The following SLC15A1 variants were observed in gnomAD, a reference collection of about 807,000 sequenced individuals.
The protein encoded by SLC15A1 is solute carrier family 15 member 1, also known as Caco-2 oligopeptide transporter.
A neutral mutation model predicts 92.9 loss-of-function variants in SLC15A1; 83 were observed. The ratio of observed to expected loss-of-function variants is 0.89; its 90% CI spans 0.75 to 1.07. The LOEUF (loss-of-function observed/expected upper bound fraction) is 1.07, where lower values mean the gene tolerates loss of function less well. Among genes scored for constraint, SLC15A1 ranks in the 50% least tolerant of loss-of-function variants. The pLI, the probability that SLC15A1 is intolerant of heterozygous loss-of-function variation, is 0.00. For missense variants in SLC15A1, 857 were observed against 880.1 expected, an observed-to-expected ratio of 0.97 and a Z score of 0.33; for synonymous variants, 322 against 318.2, an observed-to-expected ratio of 1.01 and a Z score of -0.13.
Position 98,706,255 on chromosome 13 carries a change from TGA to T in SLC15A1, c.1150-4_1150-3del. ...TTTGGGGAAGACTGGAAGAGTTTTC[TGA>T]GCAAAATAAAAGAAAATTGGCAGTG... is the stretch of plus-strand genomic sequence containing the variant. On this transcript the variant is annotated splice_polypyrimidine_tract_variant and splice_region_variant and intron_variant, in intron 15 of 22. Transcript: ENST00000376503. 6.2e-7 allele frequency: 1 copy of T among 1,611,328 alleles called. No homozygotes were observed. The highest frequency in any genetic ancestry group is 8.5e-7 in the Non-Finnish European group (1 of 1,179,142).
chr13:98,732,831 G>A (rs575815663), intron 1 of SLC15A1, among the ~76,000 whole-genome samples: 14 of 152,302 alleles, frequency 9.2e-5, no homozygotes, highest in African/African-American at 3.4e-4. Flanking sequence ...TTGAGGACGT[G>A]TTTCTGAACT....
chr13:98,733,723 C>T (rs2088367912), intron 1 of SLC15A1, among the ~76,000 whole-genome samples: 1 of 152,236 alleles, frequency 6.6e-6, no homozygotes, highest in Non-Finnish European at 1.5e-5. Flanking sequence ...GATCGAACCT[C>T]AGTGTAGAGA....
At chr13:98,719,183 C>T (rs776883560) in intron 8 of SLC15A1, 54 bp downstream of exon 8, 8 of 1,313,024 alleles carry the variant, frequency 6.1e-6, no homozygotes, top group African/African-American at 2.9e-5. Context: ...CAATCATTCA[C>T]GTAGGGCCTG....
intron 1 of SLC15A1, among the ~76,000 whole-genome samples, chr13:98,748,828 G>C (rs921478233): frequency 5.3e-5 from 8 of 152,136 alleles, no homozygotes; most frequent in Non-Finnish European, 1.0e-4. Context: ...GTGGGCCTGG[G>C]AGCAGCAGCA....
At chr13:98,752,379 G>A (rs1379666507) in intron 1 of SLC15A1, among the ~76,000 whole-genome samples, 1 of 152,088 alleles carries the variant, frequency 6.6e-6, no homozygotes, top group Non-Finnish European at 1.5e-5. Context: ...CGGAGTCGGC[G>A]CCTCTGGGCA....
intron 1 of SLC15A1, among the ~76,000 whole-genome samples, chr13:98,730,374 G>A (rs949067124): frequency 1.3e-5 from 2 of 152,010 alleles, no homozygotes; most frequent in Non-Finnish European, 1.5e-5. Context: ...CAGGACCCCA[G>A]TTCCCAACTC....
chr13:98,693,086 CGTTTTT>C (rs2087994140), intron 18 of SLC15A1, among the ~76,000 whole-genome samples: 1 of 111,834 alleles, frequency 8.9e-6, no homozygotes, highest in Non-Finnish European at 1.7e-5. Flanking sequence ...TTATTGTCTA[CGTTTTT>C]TTTTTTTTTT....
chr13:98,717,196 G>C (rs969112507), intron 8 of SLC15A1, among the ~76,000 whole-genome samples: 4 of 152,156 alleles, frequency 2.6e-5, no homozygotes, highest in African/African-American at 9.7e-5. Flanking sequence ...TTTTTGACAG[G>C]TGCTAGCTCC....
chr13:98,703,496 T>C (rs2088086192), intron 17 of SLC15A1, among the ~76,000 whole-genome samples: 1 of 145,436 alleles, frequency 6.9e-6, no homozygotes, highest in African/African-American at 2.5e-5. Flanking sequence ...ACTCTACAAC[T>C]CTTTCATTTA....
intron 18 of SLC15A1, among the ~76,000 whole-genome samples, chr13:98,697,122 C>G (rs1299299589): frequency 6.6e-6 from 1 of 152,180 alleles, no homozygotes. Context: ...GTGCCGCGAT[C>G]TTGGCTCACT....
Position 98,712,514 on chromosome 13 carries a change from G to A in SLC15A1, c.794C>T (p.Ala265Val), listed in dbSNP as rs1555323374. 8.1e-6 allele frequency: 13 copies of A among 1,611,132 alleles called. 1 individual carries two copies. Among genetic ancestry groups the A allele is most frequent in the Non-Finnish European group, 1.1e-5 (13 of 1,178,126 alleles). ...GTTACTTACATCGTATTTCTCTTTA[G>A]CCCAGTCCAGCCAGTGCTCCCTCTT... is the stretch of plus-strand genomic sequence containing the variant. ...FPKREHWLDW[A>V]KEKYDERLIS... The change falls in exon 10 of 23, where the codon GCT becomes GTT. Residue 265 changes from alanine (A) to valine (V), a missense_variant. Transcript: ENST00000376503.
chr13:98,733,885 T>C (rs999516149), intron 1 of SLC15A1, among the ~76,000 whole-genome samples: 63 of 152,332 alleles, frequency 4.1e-4, no homozygotes, highest in Middle Eastern at 3.4e-3. Context: ...TGGGAGGTGA[T>C]TGAATCACAG....
chr13:98,691,685 C>A (rs964787677), intron 18 of SLC15A1, among the ~76,000 whole-genome samples: 6 of 152,194 alleles, frequency 3.9e-5, no homozygotes, highest in African/African-American at 1.4e-4. Flanking sequence ...TGAATCATGA[C>A]GTTTTACTGA....
rs763271001 is a variant in SLC15A1, at chr13:98,709,650, G to C, written c.989C>G (p.Ala330Gly). Reference protein sequence around the residue: ...IQPDQMQTVNAILIVIMVPIF... With the variant: ...IQPDQMQTVNGILIVIMVPIF... ...CGGGACCATGATCACGATCAGGATG[G>C]CGTTCACGGTCTGCAGAGGAAGTGG... The change falls in exon 14 of 23, where the codon GCC (alanine) becomes GGC (glycine). Residue 330 changes from alanine to glycine, a missense_variant. By Grantham distance (60) the Ala-to-Gly change is moderately conservative. Coordinates refer to ENST00000376503, the MANE Select transcript of SLC15A1 (RefSeq NM_005073.4). The C allele has an allele frequency of 6.2e-6, 10 of 1,614,162 alleles. No homozygotes were observed. Among genetic ancestry groups the C allele is most frequent in the Non-Finnish European group, 7.6e-6 (9 of 1,180,046 alleles).
At chr13:98,720,023 C>G (rs1353669762) in intron 7 of SLC15A1, among the ~76,000 whole-genome samples, 1 of 152,028 alleles carries the variant, frequency 6.6e-6, no homozygotes, top group Non-Finnish European at 1.5e-5. Flanking sequence ...ACGGAGATTC[C>G]TGGAAATCCT....
chr13:98,711,849 A>G lies in SLC15A1; in HGVS notation c.900+5T>C, dbSNP rs1422821198. ...AAGAAGAGCACAAGCAGAGTTTCAC[A>G]TTACCTGCTGGTCAAACAAGGCCCA... is the stretch of plus-strand genomic sequence containing the variant. On this transcript the variant is annotated splice_donor_5th_base_variant and intron_variant, in intron 11 of 22. Coordinates refer to ENST00000376503, the MANE Select transcript of SLC15A1 (RefSeq NM_005073.4). 1 of 1,610,506 alleles carries G rather than the reference A, an allele frequency of 6.2e-7. No homozygotes were observed. The highest frequency in any genetic ancestry group is 8.5e-7 in the Non-Finnish European group (1 of 1,176,686).
chr13:98,715,645 G>A (rs1428156167), intron 9 of SLC15A1, among the ~76,000 whole-genome samples: 1 of 152,062 alleles, frequency 6.6e-6, no homozygotes, highest in Non-Finnish European at 1.5e-5. Flanking sequence ...ACTTTGATTT[G>A]CTTTTCTTTG....
Position 98,740,276 on chromosome 13 carries a change from C to G in SLC15A1, c.4+12319G>C, listed in dbSNP as rs78692858. On this transcript the variant is annotated intron_variant, in intron 1 of 22. Transcript: ENST00000376503. ...CAGGGAGGTGCTTGCTAGGCACGGC[C>G]CCTGTCCAGGGTCACCCGCTGTGCT... is the stretch of plus-strand genomic sequence containing the variant. 4.7e-4 allele frequency among the ~76,000 whole-genome samples: 72 copies of G among 152,300 alleles called. 2 individuals are homozygous for G. The East Asian group carries it at 0.013, about 28-fold the overall frequency.
At position 98,684,545 on chromosome 13, in the gene SLC15A1, C is replaced by CAA. The variant is rs4646233; in HGVS notation, c.*177_*178dup. On this transcript the variant is annotated 3_prime_UTR_variant, in exon 23 of 23. Transcript: ENST00000376503. ...GGACAACAAGAGCAAAACTCTGTCT[C>CAA]AAAAAAAAAAAAAAAAAAAAAAAGA... The CAA allele has an allele frequency of 9.1e-3, 1,743 of 191,996 alleles. No individual in the cohort carries two copies. The highest frequency in any genetic ancestry group is 0.014 in the Middle Eastern group (8 of 586). 11.9% of individuals were successfully genotyped at this position (191,996 alleles called of 1,614,324 possible).
Sources: allele counts gnomAD v4.1 joint callset (sites outside exome capture counted in the v4.1 genomes callset), GRCh38; gene constraint gnomAD v4.1.1; transcripts MANE v1.5; gene names NCBI Gene and HGNC (gene_info 2026-07-23, HGNC 2026-07-21).